IGHMBP2: variants seen among roughly 807,000 people sequenced by gnomAD.
IGHMBP2 encodes immunoglobulin mu DNA binding protein 2.
Under a neutral mutation model 96.0 loss-of-function variants are expected in IGHMBP2, and 81 were observed. The ratio of observed to expected loss-of-function variants is 0.84; its 90% CI spans 0.71 to 1.01. IGHMBP2 has a LOEUF of 1.01. IGHMBP2 is among the 50% of genes least tolerant of loss of function. IGHMBP2 has a pLI of 0.00. For missense variants in IGHMBP2, 1,227 were observed against 1,306.3 expected (o/e 0.94, Z 0.94); for synonymous variants, 557 against 548.9 (o/e 1.01, Z -0.21).
intron 11 of IGHMBP2, among the ~76,000 whole-genome samples, chr11:68,935,019 C>T (rs1288050115): frequency 6.6e-6 from 1 of 152,248 alleles, no homozygotes; most frequent in Non-Finnish European, 1.5e-5. Flanking sequence ...GGCCATCATA[C>T]CTTCCTGGTG....
In IGHMBP2 at chr11:68,910,502, G is replaced by A. The variant is rs370645043; in HGVS notation, c.548-938G>A. ...CTTATGAGCTGCTCCTTATCCGATA[G>A]GCGTCTCTGTGTAGTGGGCACCATG... On this transcript the variant is annotated intron_variant, in intron 4 of 14. Coordinates refer to ENST00000255078, the MANE Select transcript of IGHMBP2 (RefSeq NM_002180.3). Among the ~76,000 whole-genome samples, 31 of 152,320 alleles carry A rather than the reference G, an allele frequency of 2.0e-4. No homozygotes were observed. In the Middle Eastern group the frequency reaches 0.01, roughly 50 times the overall value.
intron 14 of IGHMBP2, 138 bp downstream of exon 14, chr11:68,938,492 A>G: frequency 1.4e-6 from 1 of 730,366 alleles, no homozygotes; most frequent in African/African-American, 1.8e-5. Flanking sequence ...CAGAAACAGA[A>G]ATCAGACACT....
In IGHMBP2 at chr11:68,908,583, A is replaced by G. The variant is rs1375613370; in HGVS notation, c.499A>G (p.Ile167Val). ...KYHSGPASSL[I>V]EVLFGRSAPS... is the part of the protein sequence containing the mutation. ...TCATTCTGGCCCAGCCTCCTCACTC[A>G]TAGAAGTGCTCTTTGGCAGATCTGC... The change falls in exon 4 of 15, where the codon ATA becomes GTA. Residue 167 changes from isoleucine (I) to valine (V), a missense_variant. By Grantham distance (29) the Ile-to-Val change is conservative. Around this residue, in one of 3 missense-constraint regions of IGHMBP2, gnomAD observed 507 missense variants for 496.9 expected, o/e 1.02. Coordinates refer to ENST00000255078, the MANE Select transcript of IGHMBP2 (RefSeq NM_002180.3). The G allele has an allele frequency of 1.9e-6, 3 of 1,613,984 alleles. No homozygotes were observed. The highest frequency in any genetic ancestry group is 2.2e-5 in the East Asian group (1 of 44,900).
chr11:68,906,157 C>CTG lies in IGHMBP2; in HGVS notation c.177_178dup (p.Tyr60CysfsTer48). On this transcript the variant is annotated frameshift_variant, in exon 2 of 15. Coordinates refer to ENST00000255078, the MANE Select transcript of IGHMBP2 (RefSeq NM_002180.3). LOFTEE classifies it high-confidence loss of function. Reference sequence around the variant, plus strand: ...GCAGGTATCCAGCCAGCGCACTGGGCTGTACGGACGGCTGCTGGTCACCTT... The same window carrying CTG: ...GCAGGTATCCAGCCAGCGCACTGGGCTGTGTACGGACGGCTGCTGGTCACCTT... 1 of 1,614,148 alleles carries CTG rather than the reference C, an allele frequency of 6.2e-7. No individual in the cohort carries two copies. The highest frequency in any genetic ancestry group is 8.5e-7 in the Non-Finnish European group (1 of 1,180,012).
chr11:68,930,018 T>G (rs1355792658), intron 8 of IGHMBP2: 1 of 1,083,662 alleles, frequency 9.2e-7, no homozygotes, highest in African/African-American at 1.8e-5. Flanking sequence ...CACTCACTGC[T>G]TCAGCCACAC....
chr11:68,911,417 TCA>T lies in IGHMBP2; in HGVS notation c.548-21_548-20del, dbSNP rs1858428498. The T allele has an allele frequency of 1.9e-6, 3 of 1,611,932 alleles. No homozygotes were observed. The African/African-American group carries it at 4.0e-5, about 22-fold the overall frequency. On this transcript the variant is annotated intron_variant, in intron 4 of 14. Transcript: ENST00000255078. ...CAGAGCTCCCCAGAGCACCTGAGCCTCACGCTGCTGCTTCTTCCACAGACCCG... is the reference window on the plus strand; with the variant it reads ...CAGAGCTCCCCAGAGCACCTGAGCCTCGCTGCTGCTTCTTCCACAGACCCG...
intron 7 of IGHMBP2, among the ~76,000 whole-genome samples, chr11:68,921,765 C>T (rs933923811): frequency 6.6e-5 from 10 of 152,234 alleles, no homozygotes; most frequent in Admixed American, 2.0e-4. Flanking sequence ...CATCATTTTC[C>T]TTCCACCTGA....
chr11:68,916,411 G>A (rs368637200), intron 6 of IGHMBP2, among the ~76,000 whole-genome samples: 2 of 152,238 alleles, frequency 1.3e-5, no homozygotes, highest in East Asian at 3.9e-4. Context: ...CCGACACTCC[G>A]ACACTTTTGA....
chr11:68,917,506 C>T (rs1020613672), intron 6 of IGHMBP2, among the ~76,000 whole-genome samples: 6 of 152,186 alleles, frequency 3.9e-5, no homozygotes, highest in South Asian at 2.1e-4. Flanking sequence ...GAGTTAAAAA[C>T]GTGGTCTCTT....
chr11:68,937,133 G>A, intron 13 of IGHMBP2, 42 bp downstream of exon 13: 1 of 1,595,172 alleles, frequency 6.3e-7, no homozygotes, highest in Non-Finnish European at 8.5e-7. Flanking sequence ...TCCCCTCACT[G>A]GGGTGCTGGC....
rs1429055770 is a variant in IGHMBP2, at chr11:68,936,895, C to G, written c.2415C>G (p.Leu805=). 6.2e-7 allele frequency: 1 copy of G among 1,608,666 alleles called. No homozygotes were observed. Among genetic ancestry groups the G allele is most frequent in the Non-Finnish European group, 8.5e-7 (1 of 1,178,030 alleles). The part of the protein sequence containing the change: ...PPAGTGGPAP[L]QPVPPTPAQT... Reference sequence around the variant, plus strand: ...CAGGGACCGGTGGCCCAGCCCCTCTCCAGCCAGTGCCCCCTACCCCTGCGC... The same window carrying G: ...CAGGGACCGGTGGCCCAGCCCCTCTGCAGCCAGTGCCCCCTACCCCTGCGC... The change falls in exon 13 of 15, where the codon CTC becomes CTG. Residue 805 remains leucine (L), a synonymous_variant. Transcript: ENST00000255078.
chr11:68,934,769 G>C (rs545866735), intron 11 of IGHMBP2, among the ~76,000 whole-genome samples: 1 of 152,310 alleles, frequency 6.6e-6, no homozygotes, highest in African/African-American at 2.4e-5. Context: ...GCCCTGCCCG[G>C]TGCCCCAGCC....
chr11:68,905,939 G>T, intron 1 of IGHMBP2, 130 bp from the exon 2 acceptor site: 1 of 938,788 alleles, frequency 1.1e-6, no homozygotes, highest in Non-Finnish European at 1.7e-6. Flanking sequence ...CCAATTCGGA[G>T]TTCCATTGGG....
chr11:68,904,430 C>T (rs1459894611), intron 1 of IGHMBP2, among the ~76,000 whole-genome samples: 1 of 152,078 alleles, frequency 6.6e-6, no homozygotes, highest in East Asian at 1.9e-4. Flanking sequence ...ACTGGCTGCC[C>T]CCGATCCGGC....
At chr11:68,939,265 AG>A (rs1368551669) in intron 14 of IGHMBP2, among the ~76,000 whole-genome samples, 2 of 151,898 alleles carry the variant, frequency 1.3e-5, no homozygotes, top group Non-Finnish European at 2.9e-5. Context: ...GGAGGCTGGG[AG>A]GCAGTGGGAA....
At chr11:68,916,438 G>A (rs955703728) in intron 6 of IGHMBP2, among the ~76,000 whole-genome samples, 1 of 152,130 alleles carries the variant, frequency 6.6e-6, no homozygotes, top group African/African-American at 2.4e-5. Flanking sequence ...TGGTTCTCCC[G>A]TGGACGCTTT....
At chr11:68,916,280 T>G (rs929595753) in intron 6 of IGHMBP2, among the ~76,000 whole-genome samples, 2 of 152,182 alleles carry the variant, frequency 1.3e-5, no homozygotes, top group Non-Finnish European at 2.9e-5. Flanking sequence ...TTGAAAAAAT[T>G]GGCATCCTCC....
rs373012350 is a variant in IGHMBP2, at chr11:68,911,500, C to T, written c.608C>T (p.Ala203Val). 3 of 1,614,072 alleles carry T rather than the reference C, an allele frequency of 1.9e-6. No individual in the cohort carries two copies. Among genetic ancestry groups the T allele is most frequent in the African/African-American group, 1.3e-5 (1 of 75,020 alleles). The part of the protein sequence containing the change: ...DTSQKEAVLF[A>V]LSQKELAIIH... ...TCCCAGAAAGAAGCGGTTTTATTTG[C>T]GCTGTCTCAGAAAGAACTTGCCATC... Residue 203 changes from alanine to valine, a missense_variant, in exon 5 of 15, where the codon GCG becomes GTG. Ala to Val is a moderately conservative substitution (Grantham distance 64, BLOSUM62 0). Transcript: ENST00000255078.
At chr11:68,909,486 G>A (rs957390927) in intron 4 of IGHMBP2, among the ~76,000 whole-genome samples, 21 of 151,696 alleles carry the variant, frequency 1.4e-4, no homozygotes, top group Non-Finnish European at 2.6e-4. Context: ...AGCCTCCATT[G>A]AGTTTTAAAA....
Sources: allele counts gnomAD v4.1 joint callset (sites outside exome capture counted in the v4.1 genomes callset), GRCh38; gene constraint gnomAD v4.1.1; regional missense constraint gnomAD v4.1.1; transcripts MANE v1.5; gene names NCBI Gene and HGNC (gene_info 2026-07-23, HGNC 2026-07-21).